ARMC9: variants seen among roughly 807,000 people sequenced by gnomAD.
ARMC9 encodes armadillo repeat containing 9, also known as lisH domain-containing protein ARMC9.
Under a neutral mutation model 107.0 loss-of-function variants are expected in ARMC9, and 94 were observed. The ratio of observed to expected loss-of-function variants is 0.88; its 90% CI spans 0.74 to 1.04. The LOEUF (loss-of-function observed/expected upper bound fraction) is 1.04, where lower values mean the gene tolerates loss of function less well. ARMC9 is among the 50% of genes least tolerant of loss of function. The pLI, the probability that ARMC9 is intolerant of heterozygous loss-of-function variation, is 0.00. For missense variants in ARMC9, 942 were observed against 1,030.1 expected, an observed-to-expected ratio of 0.91 and a Z score of 1.17; for synonymous variants, 380 against 396.9, an observed-to-expected ratio of 0.96 and a Z score of 0.51.
intron 9 of ARMC9, among the ~76,000 whole-genome samples, chr2:231,245,193 TCCTTA>T: frequency 6.6e-6 from 1 of 152,356 alleles, no homozygotes; most frequent in Non-Finnish European, 1.5e-5. Context: ...CTTTCTGTAG[TCCTTA>T]CCTTATCAGA....
At chr2:231,288,626 G>A (rs2040775645) in intron 17 of ARMC9, 1 of 471,202 alleles carries the variant, frequency 2.1e-6, no homozygotes, top group Non-Finnish European at 4.4e-6. Context: ...TCAGGCTCTG[G>A]AAGAGATGCT....
chr2:231,243,728 G>C (rs373361371), intron 9 of ARMC9, among the ~76,000 whole-genome samples: 1 of 152,174 alleles, frequency 6.6e-6, no homozygotes, highest in East Asian at 1.9e-4. Context: ...GATAAAAAGC[G>C]TATGGGGGGT....
intron 19 of ARMC9, among the ~76,000 whole-genome samples, chr2:231,318,784 A>G (rs779810008): frequency 6.6e-6 from 1 of 152,244 alleles, no homozygotes; most frequent in Non-Finnish European, 1.5e-5. Context: ...AACTGTAGAG[A>G]GGAATTGCCT....
intron 8 of ARMC9, among the ~76,000 whole-genome samples, chr2:231,237,194 G>GTGTGTC (rs2035797467): frequency 6.6e-6 from 1 of 152,046 alleles, no homozygotes; most frequent in Admixed American, 6.5e-5. Flanking sequence ...GTGTGTGTGT[G>GTGTGTC]TGTGTGTGTG....
At chr2:231,337,155 C>G (rs1333096074) in intron 20 of ARMC9, among the ~76,000 whole-genome samples, 3 of 151,790 alleles carry the variant, frequency 2.0e-5, no homozygotes, top group African/African-American at 7.3e-5. Context: ...GGGGCATTTC[C>G]TAATCCCTTT....
chr2:231,354,408 G>A (rs560669845), intron 21 of ARMC9, among the ~76,000 whole-genome samples: 110 of 117,772 alleles, frequency 9.3e-4, no homozygotes, highest in African/African-American at 3.6e-3. Context: ...TTGAGACAGA[G>A]TCTCACTCTG....
rs2033324614 is a variant in ARMC9 at position 231,214,894 on chromosome 2, C to T, written c.241C>T (p.His81Tyr). The change falls in exon 4 of 25, where the codon CAC becomes TAC. Residue 81 changes from histidine (H) to tyrosine (Y), a missense_variant. By Grantham distance (83) the His-to-Tyr change is moderately conservative. Transcript: ENST00000611582. ...GGTGTTCTTCGATCTGTGGGAGGAG[C>T]ACATTTCAAGTTCCATCCGAGATGG... ...QKVFFDLWEE[H>Y]ISSSIRDGDS... 6.2e-7 allele frequency: 1 copy of T among 1,614,168 alleles called. No homozygotes were observed. The highest frequency in any genetic ancestry group is 8.5e-7 in the Non-Finnish European group (1 of 1,180,036).
chr2:231,357,837 C>A (rs1015037598), intron 22 of ARMC9, among the ~76,000 whole-genome samples: 1 of 152,182 alleles, frequency 6.6e-6, no homozygotes, highest in African/African-American at 2.4e-5. Flanking sequence ...TCCCAAAGCA[C>A]TGGGATTACA....
rs1486242331 is a variant in ARMC9 at position 231,374,550 on chromosome 2, AT to A, written c.*3016del. 1.4e-4 allele frequency: 21 copies of A among 151,852 alleles called. No individual in the cohort carries two copies. The highest frequency in any genetic ancestry group is 5.2e-4 in the Admixed American group (8 of 15,274). The allele number at this position is 151,852 out of a possible 1,614,324, so 9.4% of individuals were successfully genotyped here. A position where few individuals can be genotyped will look rare whatever the true frequency, so the allele number is the denominator to read the frequency against. ...CCAAATCAAAAGAGCTAAAAAAAAA[AT>A]AATAAAATAAAAATAAAAATAAAAT... On this transcript the variant is annotated 3_prime_UTR_variant, in exon 25 of 25. Transcript: ENST00000611582.
chr2:231,365,012 A>G (rs570516606), intron 23 of ARMC9, among the ~76,000 whole-genome samples: 214 of 152,288 alleles, frequency 1.4e-3, no homozygotes, highest in Non-Finnish European at 2.6e-3. Flanking sequence ...GCTGTTGGTA[A>G]GTGTCAGCTG....
At chr2:231,325,502 T>A (rs2125544244) in intron 19 of ARMC9, among the ~76,000 whole-genome samples, 1 of 152,274 alleles carries the variant, frequency 6.6e-6, no homozygotes, top group South Asian at 2.1e-4. Context: ...CACCAATACC[T>A]TGGTGAAACT....
At chr2:231,273,903 T>C (rs2039549215) in intron 14 of ARMC9, among the ~76,000 whole-genome samples, 2 of 152,164 alleles carry the variant, frequency 1.3e-5, no homozygotes, top group Admixed American at 6.5e-5. Flanking sequence ...CAGTCACTCC[T>C]CATTCCTACC....
chr2:231,355,809 AAC>A lies in ARMC9; in HGVS notation c.2013_2014del (p.Pro672SerfsTer295), dbSNP rs1164703771. On this transcript the variant is annotated frameshift_variant, in exon 22 of 25. Coordinates refer to ENST00000611582, the MANE Select transcript of ARMC9 (RefSeq NM_001352754.2). LOFTEE classifies it high-confidence loss of function. ...ATGTTTTTCTCCAGGGTGGAAGACCAACACACACCTCCCCAGACAGCCCAGCA... is the reference window on the plus strand; with the variant it reads ...ATGTTTTTCTCCAGGGTGGAAGACCAACACACCTCCCCAGACAGCCCAGCA... 2.0e-6 allele frequency: 3 copies of A among 1,534,378 alleles called. No homozygotes were observed. Among genetic ancestry groups the A allele is most frequent in the Admixed American group, 2.0e-5 (1 of 50,926 alleles).
intron 15 of ARMC9, among the ~76,000 whole-genome samples, chr2:231,277,004 AGAG>A (rs1167136825): frequency 6.6e-6 from 1 of 152,246 alleles, no homozygotes; most frequent in African/African-American, 2.4e-5. Flanking sequence ...GCCTGCATTA[AGAG>A]GAGACTAAGT....
chr2:231,200,170 G>A (rs1214580302), intron 1 of ARMC9, among the ~76,000 whole-genome samples: 2 of 152,266 alleles, frequency 1.3e-5, no homozygotes, highest in Admixed American at 6.5e-5. Flanking sequence ...AGTGTTCTAG[G>A]CGGAGAGAGT....
At chr2:231,228,850 C>G (rs935031600) in intron 7 of ARMC9, among the ~76,000 whole-genome samples, 1 of 152,086 alleles carries the variant, frequency 6.6e-6, no homozygotes, top group Non-Finnish European at 1.5e-5. Context: ...AAACTTCTCT[C>G]TCTGGTTCCT....
chr2:231,259,431 A>G (rs2038133060), intron 11 of ARMC9, among the ~76,000 whole-genome samples: 1 of 152,204 alleles, frequency 6.6e-6, no homozygotes, highest in South Asian at 2.1e-4. Flanking sequence ...ACAGTCCCAC[A>G]GAGGTTCTGT....
chr2:231,250,565 A>T (rs1228269631), intron 9 of ARMC9, among the ~76,000 whole-genome samples: 2 of 152,036 alleles, frequency 1.3e-5, no homozygotes, highest in African/African-American at 4.8e-5. Context: ...ATGCTCCCAG[A>T]GGGGAGGGTA....
At chr2:231,206,373 C>T in intron 2 of ARMC9, 84 bp downstream of exon 2, 2 of 1,078,258 alleles carry the variant, frequency 1.9e-6, no homozygotes, top group Non-Finnish European at 2.7e-6. Context: ...TATTTAGTGC[C>T]TTGTAATGTT....
Sources: gnomAD v4.1 joint callset for allele counts (sites outside exome capture counted in the v4.1 genomes callset) on GRCh38, gnomAD v4.1.1 for gene constraint, MANE v1.5 for transcripts, NCBI Gene and HGNC (gene_info 2026-07-23, HGNC 2026-07-21) for gene names.